GCC2: variants seen among roughly 807,000 people sequenced by gnomAD.
GCC2 encodes the protein GRIP and coiled-coil domain containing 2.
In GCC2, 120 loss-of-function variants were observed where a neutral mutation model predicts 210.6. The observed-to-expected ratio is 0.57, with a 90% CI of 0.49 to 0.66. The LOEUF is 0.66. Among genes scored for constraint, GCC2 ranks in the 30% least tolerant of loss-of-function variants. The probability of loss-of-function intolerance (pLI) is 0.00; values close to 1 mark genes in which losing one functional copy is unlikely to be tolerated. For synonymous variants in GCC2, 703 were observed against 652.7 expected (o/e 1.08, Z -1.17); for missense variants, 1,868 against 1,871.9 (o/e 1.00, Z 0.04).
chr2:108,472,760 A>G, intron 6 of GCC2, 67 bp from the exon 7 acceptor site: 1 of 922,224 alleles, frequency 1.1e-6, no homozygotes, highest in South Asian at 1.4e-5. Flanking sequence ...CCAGTTCATT[A>G]TGGAAAATGA....
At chr2:108,478,430 C>T (rs145844270) in intron 9 of GCC2, among the ~76,000 whole-genome samples, 1 of 152,146 alleles carries the variant, frequency 6.6e-6, no homozygotes, top group African/African-American at 2.4e-5. Flanking sequence ...TATAAAGATA[C>T]TGAGTAATTT....
chr2:108,501,969 C>T (rs1056638), intron 22 of GCC2, among the ~76,000 whole-genome samples: 7 of 152,094 alleles, frequency 4.6e-5, no homozygotes, highest in Admixed American at 6.6e-5. Context: ...ATAGTATTTT[C>T]GTCACAAGGG....
At chr2:108,472,679 A>G in intron 6 of GCC2, 148 bp from the exon 7 acceptor site, 1 of 599,552 alleles carries the variant, frequency 1.7e-6, no homozygotes, top group South Asian at 2.1e-5. Flanking sequence ...TAACAAGGGA[A>G]AATCTGTTGA....
At chr2:108,460,685 G>A (rs1014023875) in intron 4 of GCC2, among the ~76,000 whole-genome samples, 1 of 152,154 alleles carries the variant, frequency 6.6e-6, no homozygotes, top group Non-Finnish European at 1.5e-5. Flanking sequence ...CTTCATTTAT[G>A]AAGGATAATT....
At chr2:108,477,218 G>A (rs891574846) in intron 9 of GCC2, among the ~76,000 whole-genome samples, 2 of 152,092 alleles carry the variant, frequency 1.3e-5, no homozygotes, top group African/African-American at 4.8e-5. Flanking sequence ...TTATCACAGA[G>A]TTACAGTAAT....
At position 108,471,955 on chromosome 2, in the gene GCC2, C is replaced by T; in HGVS notation, c.2626C>T (p.Gln876Ter). 1 of 1,603,872 alleles carries T rather than the reference C, an allele frequency of 6.2e-7. No homozygotes were observed. The highest frequency in any genetic ancestry group is 8.5e-7 in the Non-Finnish European group (1 of 1,177,278). Residue 876 changes from glutamine (Q) to a stop codon, truncating the protein, a stop_gained, in exon 6 of 23, where the codon CAG becomes TAG. Coordinates refer to ENST00000309863, the MANE Select transcript of GCC2 (RefSeq NM_181453.4). LOFTEE classifies it high-confidence loss of function. ...TAATGAAAAAACAAGGCTTGAAAAT[C>T]AGAATCTTTTAATTCAAGTTGAAGA... Reference protein sequence around the residue: ...NANEKTRLENQNLLIQVEEVS... With the variant: ...NANEKTRLEN
At position 108,483,076 on chromosome 2, in the gene GCC2, T is replaced by A; in HGVS notation, c.3360T>A (p.Thr1120=). 6.4e-7 allele frequency: 1 copy of A among 1,564,432 alleles called. No individual in the cohort carries two copies. Among genetic ancestry groups the A allele is most frequent in the South Asian group, 1.1e-5 (1 of 89,956 alleles). Residue 1120 remains threonine (T), a synonymous_variant, in exon 12 of 23, where the codon ACT becomes ACA. Transcript: ENST00000309863. ...KEQKIKEHAT[T]VNELEELQVQ... is the part of the protein sequence containing the mutation. ...TTTAATTTCAGGAACATGCCACTAC[T>A]GTAAATGAACTTGAAGAACTTCAGG...
rs1453353807 is a variant in GCC2, at chr2:108,486,337, G to A, written c.3793-174G>A. On this transcript the variant is annotated intron_variant, in intron 15 of 22. Transcript: ENST00000309863. ...TGTTGGTTTAAGAAAAGATAACTTA[G>A]AAAATGTTCTACTTGTCTCTGCTTT... 9.2e-6 allele frequency: 6 copies of A among 655,280 alleles called. No individual in the cohort carries two copies. The African/African-American group carries it at 1.1e-4, about 12-fold the overall frequency. The allele number at this position is 655,280 out of a possible 1,614,324, so 40.6% of individuals were successfully genotyped here. A position where few individuals can be genotyped will look rare whatever the true frequency, so the allele number is the denominator to read the frequency against.
chr2:108,456,892 T>G (rs1295821440), intron 4 of GCC2, among the ~76,000 whole-genome samples: 1 of 150,356 alleles, frequency 6.7e-6, no homozygotes, highest in African/African-American at 2.5e-5. Context: ...GAGGCTGCTG[T>G]GAGCCATAAT....
At chr2:108,456,947 A>C (rs568459093) in intron 4 of GCC2, among the ~76,000 whole-genome samples, 1 of 93,552 alleles carries the variant, frequency 1.1e-5, no homozygotes, top group Non-Finnish European at 2.2e-5. Flanking sequence ...GAGCCCTTAC[A>C]TAAAAAAAAA....
rs1026397447 is a variant in GCC2 at position 108,485,654 on chromosome 2, TACA to T, written c.3637_3639del (p.Gln1213del). ...GTGCTAGCTTCATTACAGTCTTCAG[TACA>T]ACAATATGAAGAAAAAAACACCAAA... On this transcript the variant is annotated inframe_deletion, in exon 14 of 23. Coordinates refer to ENST00000309863, the MANE Select transcript of GCC2 (RefSeq NM_181453.4). The T allele has an allele frequency of 1.3e-6, 2 of 1,571,948 alleles. No individual in the cohort carries two copies. The highest frequency in any genetic ancestry group is 8.6e-7 in the Non-Finnish European group (1 of 1,157,060).
At chr2:108,478,526 C>T (rs971798790) in intron 9 of GCC2, among the ~76,000 whole-genome samples, 98 of 152,298 alleles carry the variant, frequency 6.4e-4, no homozygotes, top group African/African-American at 2.2e-3. Flanking sequence ...TCTGAACACA[C>T]AGGAGTCCTA....
In GCC2 at chr2:108,470,021, A is replaced by T. The variant is rs994906398; in HGVS notation, c.692A>T (p.Gln231Leu). The T allele has an allele frequency of 1.9e-6, 3 of 1,611,452 alleles. No individual in the cohort carries two copies. The highest frequency in any genetic ancestry group is 1.7e-5 in the Admixed American group (1 of 59,710). ...ATTGAGGCTAATTCTCAGCATTACC[A>T]AAAAAATATTAATAGTTTGCAGGAA... is the stretch of plus-strand genomic sequence containing the variant. ...NIIEANSQHY[Q>L]KNINSLQEEL... The change falls in exon 6 of 23, where the codon CAA becomes CTA. Residue 231 changes from glutamine to leucine, a missense_variant. By Grantham distance (113) the Gln-to-Leu change is moderately radical (BLOSUM62 -2). This residue lies in a region of GCC2 where 1,847 missense variants were observed against 1,765.2 expected (regional missense o/e 1.05). Coordinates refer to ENST00000309863, the MANE Select transcript of GCC2 (RefSeq NM_181453.4).
intron 4 of GCC2, among the ~76,000 whole-genome samples, chr2:108,457,579 TATG>T (rs1320058649): frequency 1.3e-5 from 2 of 152,190 alleles, no homozygotes; most frequent in African/African-American, 4.8e-5. Context: ...GTTTGGATAG[TATG>T]ATCATTTCAA....
chr2:108,483,019 A>G (rs1464467748), intron 11 of GCC2, 43 bp from the exon 12 acceptor site: 16 of 1,004,794 alleles, frequency 1.6e-5, no homozygotes, highest in Non-Finnish European at 2.4e-5. Flanking sequence ...TACCTTTTTA[A>G]TATTGGTTGG....
intron 22 of GCC2, among the ~76,000 whole-genome samples, chr2:108,505,183 C>T (rs986653829): frequency 6.6e-6 from 1 of 152,240 alleles, no homozygotes; most frequent in Non-Finnish European, 1.5e-5. Context: ...ATCTTATATT[C>T]AGCTTACACC....
intron 6 of GCC2, 35 bp from the exon 7 acceptor site, chr2:108,472,792 T>C (rs1000809990): frequency 2.4e-6 from 3 of 1,247,872 alleles, no homozygotes; most frequent in Non-Finnish European, 3.5e-6. Flanking sequence ...GGTTTTTGTT[T>C]TGTTTTGTGT....
intron 7 of GCC2, chr2:108,475,282 C>A: frequency 4.1e-6 from 1 of 243,256 alleles, no homozygotes. Flanking sequence ...CCTCTAATTC[C>A]TGGAAACATA....
intron 4 of GCC2, among the ~76,000 whole-genome samples, chr2:108,458,255 C>T (rs947051312): frequency 1.3e-5 from 2 of 148,410 alleles, no homozygotes; most frequent in African/African-American, 4.9e-5. Context: ...TTGCATCCCT[C>T]GAATAAATTC....
Sources: gnomAD v4.1 joint callset for allele counts (sites outside exome capture counted in the v4.1 genomes callset) on GRCh38, gnomAD v4.1.1 for gene constraint, gnomAD v4.1.1 regional missense constraint, MANE v1.5 for transcripts, NCBI Gene and HGNC (gene_info 2026-07-23, HGNC 2026-07-21) for gene names.